Variants in MAST4 observed in about 807,000 individuals in gnomAD.
MAST4 encodes the protein microtubule-associated serine/threonine-protein kinase 4.
MAST4 carries 89 observed loss-of-function variants against 162.7 expected under a neutral mutation model. The observed-to-expected ratio is 0.55, with a 90% CI of 0.46 to 0.65. The LOEUF (loss-of-function observed/expected upper bound fraction) is 0.65. MAST4 is among the 30% of genes least tolerant of loss of function. MAST4 has a pLI of 0.00. For synonymous variants in MAST4, 1,479 were observed against 1,361.1 expected (o/e 1.09, Z -1.91); for missense variants, 3,153 against 3,374.0 (o/e 0.93, Z 1.62).
intron 24 of MAST4, among the ~76,000 whole-genome samples, chr5:67,150,534 C>T (rs1240242727): frequency 2.0e-5 from 3 of 152,284 alleles, no homozygotes; most frequent in Non-Finnish European, 4.4e-5. Flanking sequence ...GTCTGTGTGA[C>T]TCTTCATAAG....
chr5:66,772,867 C>T (rs1363881953), intron 2 of MAST4, among the ~76,000 whole-genome samples: 2 of 152,122 alleles, frequency 1.3e-5, no homozygotes, highest in African/African-American at 2.4e-5. Flanking sequence ...TTTTAGCTAC[C>T]ATGGTGAGGG....
At chr5:66,850,971 A>G (rs1242115877) in intron 3 of MAST4, among the ~76,000 whole-genome samples, 1 of 138,010 alleles carries the variant, frequency 7.2e-6, no homozygotes, top group Non-Finnish European at 1.5e-5. Context: ...TACATTTGAG[A>G]AATGTGTTCT....
intron 1 of MAST4, among the ~76,000 whole-genome samples, chr5:66,630,970 G>C (rs1295502995): frequency 6.6e-6 from 1 of 152,210 alleles, no homozygotes. Flanking sequence ...GACTACTGAG[G>C]TTTGGGTTCT....
chr5:66,855,944 T>C (rs995031465), intron 3 of MAST4, among the ~76,000 whole-genome samples: 5 of 152,120 alleles, frequency 3.3e-5, no homozygotes, highest in African/African-American at 9.7e-5. Context: ...GGAGGATCAC[T>C]TGATCCCAGG....
chr5:67,140,705 A>T (rs1561708254), intron 19 of MAST4, among the ~76,000 whole-genome samples: 1 of 152,112 alleles, frequency 6.6e-6, no homozygotes, highest in Non-Finnish European at 1.5e-5. Flanking sequence ...TGTAATGCCC[A>T]CTTCATGTGG....
At position 67,134,664 on chromosome 5, in the gene MAST4, G is replaced by A. The variant is rs764640505; in HGVS notation, c.2368G>A (p.Glu790Lys). ...CVPFFGDTPE[E>K]LFGQVISDEI... is the part of the protein sequence containing the mutation. Reference sequence around the variant, plus strand: ...GCCATTCTTTGGGGATACTCCAGAGGAGCTATTTGGACAAGTCATCAGTGG... The same window carrying A: ...GCCATTCTTTGGGGATACTCCAGAGAAGCTATTTGGACAAGTCATCAGTGG... The change falls in exon 18 of 29, where the codon GAG (glutamate) becomes AAG (lysine). Residue 790 changes from glutamate (E) to lysine (K), a missense_variant. Coordinates refer to ENST00000403625, the MANE Select transcript of MAST4 (RefSeq NM_001164664.2). 4 of 1,613,304 alleles carry A rather than the reference G, an allele frequency of 2.5e-6. No homozygotes were observed. The highest frequency in any genetic ancestry group is 3.3e-5 in the Admixed American group (2 of 59,966).
At chr5:66,900,618 G>A (rs965901576) in intron 4 of MAST4, among the ~76,000 whole-genome samples, 6 of 152,094 alleles carry the variant, frequency 3.9e-5, no homozygotes, top group Admixed American at 3.3e-4. Flanking sequence ...AATTAAGGTC[G>A]AATTTGTTAT....
intron 5 of MAST4, among the ~76,000 whole-genome samples, chr5:67,077,274 A>G (rs1761770297): frequency 6.6e-6 from 1 of 151,848 alleles, no homozygotes; most frequent in Non-Finnish European, 1.5e-5. Context: ...TTTAAAAATG[A>G]CTGATGATTG....
chr5:66,759,624 GGAA>G lies in MAST4; in HGVS notation c.364-81_364-79del, dbSNP rs1265198532. 2.7e-6 allele frequency: 4 copies of G among 1,498,784 alleles called. No homozygotes were observed. In the African/African-American group the frequency reaches 5.5e-5, roughly 21 times the overall value. 92.8% of individuals were successfully genotyped at this position (1,498,784 alleles called of 1,614,324 possible). A position where few individuals can be genotyped will look rare whatever the true frequency, so the allele number is the denominator to read the frequency against. On this transcript the variant is annotated intron_variant, in intron 1 of 28. Coordinates refer to ENST00000403625, the MANE Select transcript of MAST4 (RefSeq NM_001164664.2). Reference sequence around the variant, plus strand: ...AATGGAGTTTGAGAAGGAAAAGAAAGGAAGAAAAAGTGTGAATGATTGGTCTTT... The same window carrying G: ...AATGGAGTTTGAGAAGGAAAAGAAAGGAAAAAGTGTGAATGATTGGTCTTT...
At chr5:66,866,874 C>T (rs1018053032) in intron 3 of MAST4, among the ~76,000 whole-genome samples, 4 of 152,226 alleles carry the variant, frequency 2.6e-5, no homozygotes, top group Non-Finnish European at 2.9e-5. Context: ...CTCAGCCTCT[C>T]GAGTAGCCAG....
At chr5:66,895,084 T>G (rs1290649178) in intron 3 of MAST4, among the ~76,000 whole-genome samples, 2 of 152,120 alleles carry the variant, frequency 1.3e-5, no homozygotes, top group East Asian at 1.9e-4. Context: ...CTGGGTTTGA[T>G]TTTTTGGTTC....
intron 1 of MAST4, among the ~76,000 whole-genome samples, chr5:66,606,719 A>G (rs1285981393): frequency 6.6e-6 from 1 of 152,148 alleles, no homozygotes; most frequent in Non-Finnish European, 1.5e-5. Flanking sequence ...CTCAGGTGGA[A>G]ACCATGTCAT....
intron 3 of MAST4, among the ~76,000 whole-genome samples, chr5:66,893,336 G>A (rs1392280543): frequency 6.6e-6 from 1 of 152,006 alleles, no homozygotes; most frequent in Non-Finnish European, 1.5e-5. Flanking sequence ...CTCCTGAGTA[G>A]CTGGGACCAC....
At chr5:66,847,622 G>A (rs548460191) in intron 3 of MAST4, among the ~76,000 whole-genome samples, 2 of 151,434 alleles carry the variant, frequency 1.3e-5, no homozygotes, top group South Asian at 2.1e-4. Context: ...GTGACAGAGC[G>A]AGACTCCATC....
chr5:66,598,490 G>A (rs538328270), intron 1 of MAST4, among the ~76,000 whole-genome samples: 13 of 152,310 alleles, frequency 8.5e-5, no homozygotes, highest in African/African-American at 3.1e-4. Flanking sequence ...TCAGGAGTTT[G>A]CTGAGTTCCT....
At chr5:67,161,468 G>A (rs536889387) in intron 27 of MAST4, among the ~76,000 whole-genome samples, 1 of 152,266 alleles carries the variant, frequency 6.6e-6, no homozygotes, top group Admixed American at 6.5e-5. Context: ...AATAGAAAAG[G>A]GGAAATATAT....
intron 3 of MAST4, among the ~76,000 whole-genome samples, chr5:66,885,384 T>C (rs996951986): frequency 6.6e-6 from 1 of 152,164 alleles, no homozygotes; most frequent in African/African-American, 2.4e-5. Flanking sequence ...CTGAGAAAAA[T>C]ACAAAATGCA....
intron 3 of MAST4, among the ~76,000 whole-genome samples, chr5:66,838,378 C>T (rs1561369552): frequency 6.6e-6 from 1 of 152,044 alleles, no homozygotes; most frequent in Non-Finnish European, 1.5e-5. Flanking sequence ...CCATTCTTTG[C>T]TTTTCTTTCA....
chr5:66,631,963 A>G (rs1417849800), intron 1 of MAST4, among the ~76,000 whole-genome samples: 1 of 152,184 alleles, frequency 6.6e-6, no homozygotes. Flanking sequence ...CCACGCTCCT[A>G]CAAGTTATGC....
Sources: allele counts gnomAD v4.1 joint callset (sites outside exome capture counted in the v4.1 genomes callset), GRCh38; gene constraint gnomAD v4.1.1; transcripts MANE v1.5; gene names NCBI Gene and HGNC (gene_info 2026-07-23, HGNC 2026-07-21).